Variants in NPFFR2 observed in about 807,000 individuals in gnomAD.
NPFFR2 encodes the protein neuropeptide FF receptor 2.
NPFFR2 carries 15 observed loss-of-function variants against 13.1 expected under a neutral mutation model. The observed-to-expected ratio is 1.15, with a 90% confidence interval of 0.77 to 1.76. The LOEUF is 1.76. Among genes scored for constraint, NPFFR2 ranks in the 40% most tolerant of loss-of-function variants. NPFFR2 has a pLI of 0.00. For missense variants in NPFFR2, 572 were observed against 503.5 expected, an observed-to-expected ratio of 1.14 and a Z score of -1.30; for synonymous variants, 190 against 175.7, an observed-to-expected ratio of 1.08 and a Z score of -0.65.
chr4:72,035,243 A>C (rs930054475), intron 1 of NPFFR2, among the ~76,000 whole-genome samples: 2 of 152,248 alleles, frequency 1.3e-5, no homozygotes, highest in Non-Finnish European at 2.9e-5. Context: ...AGAATGATCT[A>C]TTATGCTGGA....
intron 2 of NPFFR2, among the ~76,000 whole-genome samples, chr4:72,137,204 T>C (rs72857472): frequency 0.034 from 5,204 of 152,200 alleles, 290 homozygotes; most frequent in African/African-American, 0.12. Context: ...ATACTTTATG[T>C]GTAAGAATAT....
chr4:72,109,388 C>A (rs1260062025), intron 1 of NPFFR2, among the ~76,000 whole-genome samples: 1 of 151,862 alleles, frequency 6.6e-6, no homozygotes, highest in African/African-American at 2.4e-5. Flanking sequence ...AGTATTTGTC[C>A]TTCTGTTGCT....
chr4:72,110,803 T>C (rs1448779452), intron 1 of NPFFR2, among the ~76,000 whole-genome samples: 2 of 152,018 alleles, frequency 1.3e-5, no homozygotes, highest in Non-Finnish European at 2.9e-5. Context: ...AGTCAAATCA[T>C]ACAATCCTAA....
chr4:72,122,360 A>G (rs546932217), intron 1 of NPFFR2, among the ~76,000 whole-genome samples: 10 of 152,258 alleles, frequency 6.6e-5, no homozygotes, highest in African/African-American at 2.2e-4. Context: ...AGAAGTTAAC[A>G]AAAATATTCA....
rs1200535161 is a variant in NPFFR2 at position 72,147,887 on chromosome 4, T to C, written c.*75T>C. The stretch of plus-strand genomic sequence containing the variant: ...TCCATTGCTTTTTGTGGCTTTGCAC[T>C]TCAAATTTTTCAAAGAATGTTCTAA... On this transcript the variant is annotated 3_prime_UTR_variant, in exon 4 of 4. Transcript: ENST00000308744. 9.2e-7 allele frequency: 1 copy of C among 1,087,050 alleles called. No homozygotes were observed. Among genetic ancestry groups the C allele is most frequent in the Non-Finnish European group, 1.3e-6 (1 of 792,412 alleles). 67.3% of individuals were successfully genotyped at this position (1,087,050 alleles called of 1,614,324 possible). A position where few individuals can be genotyped will look rare whatever the true frequency, so the allele number is the denominator to read the frequency against.
chr4:72,119,167 A>G (rs1235937379), intron 1 of NPFFR2, among the ~76,000 whole-genome samples: 1 of 152,168 alleles, frequency 6.6e-6, no homozygotes, highest in Admixed American at 6.5e-5. Context: ...AAACAAATAT[A>G]TTGGGTTGGA....
chr4:72,121,681 C>T (rs1303096321), intron 1 of NPFFR2, among the ~76,000 whole-genome samples: 1 of 152,150 alleles, frequency 6.6e-6, no homozygotes, highest in African/African-American at 2.4e-5. Context: ...AAATAAAATC[C>T]TTTACAGAGA....
At chr4:72,080,156 G>GT (rs1036217945) in intron 1 of NPFFR2, among the ~76,000 whole-genome samples, 1 of 23,784 alleles carries the variant, frequency 4.2e-5, no homozygotes, top group African/African-American at 8.1e-5. Flanking sequence ...TGTTGTTGTT[G>GT]TTTTTTTGTT....
chr4:72,112,580 G>T (rs991024840), intron 1 of NPFFR2, among the ~76,000 whole-genome samples: 1 of 151,964 alleles, frequency 6.6e-6, no homozygotes, highest in African/African-American at 2.4e-5. Context: ...TTCATTATCT[G>T]TGCCAGAAAC....
At chr4:72,097,565 T>C (rs934006770) in intron 1 of NPFFR2, among the ~76,000 whole-genome samples, 8 of 152,182 alleles carry the variant, frequency 5.3e-5, no homozygotes, top group Non-Finnish European at 1.0e-4. Context: ...GTCTTTTAAC[T>C]ACTGGAGACT....
chr4:72,059,934 T>G (rs1719873037), intron 1 of NPFFR2, among the ~76,000 whole-genome samples: 1 of 152,096 alleles, frequency 6.6e-6, no homozygotes, highest in Admixed American at 6.6e-5. Context: ...CTGGTTATTT[T>G]TCCCCCCAGA....
chr4:72,057,005 G>A (rs963053777), intron 1 of NPFFR2, among the ~76,000 whole-genome samples: 3 of 151,912 alleles, frequency 2.0e-5, no homozygotes, highest in Non-Finnish European at 4.4e-5. Context: ...GGCAACAAAG[G>A]ATTTGTATAT....
intron 1 of NPFFR2, among the ~76,000 whole-genome samples, chr4:72,118,595 C>A (rs1159702063): frequency 1.3e-5 from 2 of 152,006 alleles, no homozygotes; most frequent in Non-Finnish European, 2.9e-5. Context: ...AGAAGACATG[C>A]ACGTACCTTT....
rs952533122 is a variant in NPFFR2, at chr4:72,095,602, G to T, written c.-7-32983G>T. The stretch of plus-strand genomic sequence containing the variant: ...AAATATTTTTAAATTTTAGAAGAAA[G>T]AGAAATTGAAGTGAAATTAAAGGAA... On this transcript the variant is annotated intron_variant, in intron 1 of 3. Transcript: ENST00000308744. Among the ~76,000 whole-genome samples the T allele has an allele frequency of 3.9e-5, 6 of 152,230 alleles. No homozygotes were observed. In the South Asian group the frequency reaches 1.0e-3, roughly 26 times the overall value.
At chr4:72,105,186 A>T (rs2109813916) in intron 1 of NPFFR2, among the ~76,000 whole-genome samples, 2 of 151,856 alleles carry the variant, frequency 1.3e-5, no homozygotes, top group Admixed American at 1.3e-4. Flanking sequence ...TTTCATTTGA[A>T]TAGGGATTTT....
chr4:72,142,902 G>A (rs1722676654), intron 3 of NPFFR2, among the ~76,000 whole-genome samples: 1 of 152,198 alleles, frequency 6.6e-6, no homozygotes, highest in Non-Finnish European at 1.5e-5. Context: ...CAATCTGGCG[G>A]AGCAGGCAAA....
chr4:72,063,408 G>T (rs1223568314), intron 1 of NPFFR2, among the ~76,000 whole-genome samples: 6 of 152,286 alleles, frequency 3.9e-5, no homozygotes, highest in Non-Finnish European at 7.4e-5. Context: ...TAAATAAATG[G>T]TTTCTCTTTA....
Position 72,136,755 on chromosome 4 carries a change from G to C in NPFFR2, c.329-1285G>C, listed in dbSNP as rs188175694. 3.3e-5 allele frequency among the ~76,000 whole-genome samples: 5 copies of C among 152,278 alleles called. No homozygotes were observed. The East Asian group carries it at 7.7e-4, about 24-fold the overall frequency. ...CCCGCACCTGGTGACTCGGGGTTTAGAGTACTTATGGTTCTGCCTCCTCAG... is the reference window on the plus strand; with the variant it reads ...CCCGCACCTGGTGACTCGGGGTTTACAGTACTTATGGTTCTGCCTCCTCAG... On this transcript the variant is annotated intron_variant, in intron 2 of 3. Transcript: ENST00000308744.
At chr4:72,090,111 T>A (rs1445166019) in intron 1 of NPFFR2, among the ~76,000 whole-genome samples, 2 of 152,180 alleles carry the variant, frequency 1.3e-5, no homozygotes, top group East Asian at 3.9e-4. Flanking sequence ...TTTTGTTTGC[T>A]TTGTCGAAGA....
Sources: gnomAD v4.1 joint callset for allele counts (sites outside exome capture counted in the v4.1 genomes callset) on GRCh38, gnomAD v4.1.1 for gene constraint, MANE v1.5 for transcripts, NCBI Gene and HGNC (gene_info 2026-07-23, HGNC 2026-07-21) for gene names.